The following NKAIN2 variants were observed in gnomAD, a reference collection of about 807,000 sequenced individuals.
NKAIN2 encodes the protein sodium/potassium transporting ATPase interacting 2.
Under a neutral mutation model 32.6 loss-of-function variants are expected in NKAIN2, and 14 were observed. That is an observed-to-expected ratio of 0.43 (90% CI 0.28 to 0.67). The LOEUF is 0.67. Ranked by LOEUF, NKAIN2 falls within the 30% of genes least tolerant of loss-of-function variation. The pLI, the probability that NKAIN2 is intolerant of heterozygous loss-of-function variation, is 0.17. For synonymous variants in NKAIN2, 80 were observed against 87.2 expected, an observed-to-expected ratio of 0.92 and a Z score of 0.46; for missense variants, 198 against 258.3, an observed-to-expected ratio of 0.77 and a Z score of 1.60.
intron 1 of NKAIN2, among the ~76,000 whole-genome samples, chr6:124,274,008 A>C (rs750803068): frequency 4.6e-5 from 7 of 152,210 alleles, no homozygotes; most frequent in Non-Finnish European, 8.8e-5. Context: ...ACAGTGCTCC[A>C]TCTACCAGGA....
intron 1 of NKAIN2, among the ~76,000 whole-genome samples, chr6:123,816,684 G>A (rs1049700355): frequency 1.3e-5 from 2 of 152,124 alleles, no homozygotes; most frequent in African/African-American, 2.4e-5. Flanking sequence ...GAATGGGAAG[G>A]GGTAGTTAGA....
At chr6:124,373,816 G>GA (rs1211150347) in intron 3 of NKAIN2, among the ~76,000 whole-genome samples, 1 of 152,092 alleles carries the variant, frequency 6.6e-6, no homozygotes, top group Non-Finnish European at 1.5e-5. Context: ...GGTTTTGGTG[G>GA]AAAAATAGTA....
intron 1 of NKAIN2, among the ~76,000 whole-genome samples, chr6:124,006,569 T>G (rs568167061): frequency 9.2e-5 from 14 of 152,332 alleles, no homozygotes; most frequent in African/African-American, 3.4e-4. Flanking sequence ...ACATTAGACA[T>G]CAAACTGTCT....
At chr6:124,067,015 G>A (rs953074561) in intron 1 of NKAIN2, among the ~76,000 whole-genome samples, 4 of 151,924 alleles carry the variant, frequency 2.6e-5, no homozygotes, top group African/African-American at 9.7e-5. Context: ...CTCTTTGGCT[G>A]ACATGTGAAA....
intron 1 of NKAIN2, among the ~76,000 whole-genome samples, chr6:123,849,154 A>G (rs1448576078): frequency 6.6e-6 from 1 of 152,100 alleles, no homozygotes; most frequent in Admixed American, 6.5e-5. Flanking sequence ...TCTCTTTTGA[A>G]CTCTTGTACT....
intron 3 of NKAIN2, among the ~76,000 whole-genome samples, chr6:124,393,186 G>A (rs574074641): frequency 7.9e-5 from 12 of 152,258 alleles, no homozygotes; most frequent in South Asian, 2.1e-4. Flanking sequence ...AGTCTTTCAC[G>A]TGAGCAAGAA....
intron 1 of NKAIN2, among the ~76,000 whole-genome samples, chr6:124,001,537 T>C (rs1779877324): frequency 6.6e-6 from 1 of 151,842 alleles, no homozygotes; most frequent in East Asian, 1.9e-4. Context: ...AGACCTCTGG[T>C]TTTTAAAAAA....
chr6:123,866,756 T>C (rs1772540738), intron 1 of NKAIN2, among the ~76,000 whole-genome samples: 2 of 152,176 alleles, frequency 1.3e-5, no homozygotes, highest in Admixed American at 1.3e-4. Flanking sequence ...CTTCTCTTAT[T>C]GTCAGCAGCA....
intron 4 of NKAIN2, among the ~76,000 whole-genome samples, chr6:124,752,226 G>A (rs929409254): frequency 1.3e-5 from 2 of 151,720 alleles, no homozygotes; most frequent in Admixed American, 1.3e-4. Flanking sequence ...CTTACATATT[G>A]CTCTTGGTGG....
chr6:123,859,103 A>G lies in NKAIN2; in HGVS notation c.54+54849A>G, dbSNP rs574908967. Among the ~76,000 whole-genome samples, 11 of 152,336 alleles carry G rather than the reference A, an allele frequency of 7.2e-5. No homozygotes were observed. In the South Asian group the frequency reaches 1.5e-3, roughly 20 times the overall value. The stretch of plus-strand genomic sequence containing the variant: ...ACAGCATATGACTGCACAATTTAGT[A>G]TACAACTAATAATTAATTAATGACT... On this transcript the variant is annotated intron_variant, in intron 1 of 6. Transcript: ENST00000368417.
intron 1 of NKAIN2, among the ~76,000 whole-genome samples, chr6:123,817,332 G>T (rs114683549): frequency 6.6e-6 from 1 of 152,230 alleles, no homozygotes; most frequent in African/African-American, 2.4e-5. Context: ...ACTAGTTGGA[G>T]TAGCATACAC....
intron 4 of NKAIN2, among the ~76,000 whole-genome samples, chr6:124,713,234 T>C (rs1191365509): frequency 6.6e-6 from 1 of 152,192 alleles, no homozygotes; most frequent in Non-Finnish European, 1.5e-5. Context: ...TTAAATTCTT[T>C]GTACCTGGTC....
At chr6:124,421,581 T>C (rs1330365345) in intron 3 of NKAIN2, among the ~76,000 whole-genome samples, 2 of 148,980 alleles carry the variant, frequency 1.3e-5, no homozygotes, top group African/African-American at 5.2e-5. Flanking sequence ...TATTACTATC[T>C]TTTTTTTGTT....
In NKAIN2 at chr6:124,278,650, C is replaced by CATATATATATATAT. The variant is rs57008229; in HGVS notation, c.55-4328_55-4315dup. ...CACACAAACACACATATACATAGCT[C>CATATATATATATAT]ATATATATATATATATATATATATA... On this transcript the variant is annotated intron_variant, in intron 1 of 6. Transcript: ENST00000368417. Among the ~76,000 whole-genome samples, 59 of 68,978 alleles carry CATATATATATATAT rather than the reference C, an allele frequency of 8.6e-4. 2 individuals are homozygous for CATATATATATATAT. Among genetic ancestry groups the CATATATATATATAT allele is most frequent in the Middle Eastern group, 0.011 (1 of 88 alleles). 45.3% of individuals were successfully genotyped at this position (68,978 alleles called of 152,430 possible).
chr6:124,625,253 T>G (rs538904254), intron 3 of NKAIN2, among the ~76,000 whole-genome samples: 2 of 152,144 alleles, frequency 1.3e-5, no homozygotes, highest in South Asian at 4.1e-4. Context: ...ACATATTTTC[T>G]CTACAAAAAA....
intron 1 of NKAIN2, among the ~76,000 whole-genome samples, chr6:123,864,309 G>A (rs959778880): frequency 6.6e-6 from 1 of 152,106 alleles, no homozygotes; most frequent in African/African-American, 2.4e-5. Flanking sequence ...CAATGATCTC[G>A]ACTCCTCTGT....
intron 1 of NKAIN2, among the ~76,000 whole-genome samples, chr6:123,943,368 G>A (rs900651148): frequency 6.6e-6 from 1 of 151,884 alleles, no homozygotes; most frequent in African/African-American, 2.4e-5. Context: ...ATTTTCTTGT[G>A]ACTTGTGTTA....
At chr6:124,528,519 T>C (rs1043035199) in intron 3 of NKAIN2, among the ~76,000 whole-genome samples, 4 of 152,200 alleles carry the variant, frequency 2.6e-5, no homozygotes, top group African/African-American at 9.6e-5. Context: ...TAGCTCATTG[T>C]TCTACAAAAA....
intron 4 of NKAIN2, among the ~76,000 whole-genome samples, chr6:124,704,149 G>T (rs1171148241): frequency 6.6e-6 from 1 of 151,802 alleles, no homozygotes; most frequent in Non-Finnish European, 1.5e-5. Context: ...CTAACACATT[G>T]ATTGAGAGAA....
Sources: gnomAD v4.1 joint callset for allele counts (sites outside exome capture counted in the v4.1 genomes callset) on GRCh38, gnomAD v4.1.1 for gene constraint, MANE v1.5 for transcripts, NCBI Gene and HGNC (gene_info 2026-07-23, HGNC 2026-07-21) for gene names.